The following ENOX1 variants were observed in gnomAD, a reference collection of about 807,000 sequenced individuals.
ENOX1 encodes ecto-NOX disulfide-thiol exchanger 1, also known as candidate growth-related and time keeping constitutive hydroquinone (NADH) oxidase.
ENOX1 carries 42 observed loss-of-function variants against 82.5 expected under a neutral mutation model. That is an observed-to-expected ratio of 0.51 (90% CI 0.40 to 0.66). The LOEUF (loss-of-function observed/expected upper bound fraction) is 0.66, where lower values mean the gene tolerates loss of function less well. Ranked by LOEUF, ENOX1 falls within the 30% of genes least tolerant of loss-of-function variation. The pLI, the probability that ENOX1 is intolerant of heterozygous loss-of-function variation, is 0.00. For synonymous variants in ENOX1, 271 were observed against 282.2 expected, an observed-to-expected ratio of 0.96 and a Z score of 0.40; for missense variants, 608 against 811.6, an observed-to-expected ratio of 0.75 and a Z score of 3.05.
chr13:43,332,761 A>AAT (rs2048479227), intron 9 of ENOX1, among the ~76,000 whole-genome samples: 1 of 152,134 alleles, frequency 6.6e-6, no homozygotes, highest in African/African-American at 2.4e-5. Context: ...AGTTCCTCAA[A>AAT]ATATATAGCA....
chr13:43,292,530 T>C (rs922192083), intron 12 of ENOX1, among the ~76,000 whole-genome samples: 1 of 152,146 alleles, frequency 6.6e-6, no homozygotes, highest in African/African-American at 2.4e-5. Flanking sequence ...CTGCATTTGC[T>C]CAGTTCTCTG....
intron 1 of ENOX1, among the ~76,000 whole-genome samples, chr13:43,771,255 C>T (rs139304336): frequency 2.0e-4 from 30 of 152,228 alleles, no homozygotes; most frequent in African/African-American, 5.3e-4. Context: ...TTTGAGGCCA[C>T]GTAAAAGCTG....
rs570979726 is a variant in ENOX1 at position 43,523,903 on chromosome 13, A to T, written c.-218-39751T>A. Among the ~76,000 whole-genome samples, 3 of 152,288 alleles carry T rather than the reference A, an allele frequency of 2.0e-5. No individual in the cohort carries two copies. In the South Asian group the frequency reaches 6.2e-4, roughly 32 times the overall value. ...GATTCACGTGCAGGACATCTTAAGCAGCATGGCACACCACAAACATGATCA... is the reference window on the plus strand; with the variant it reads ...GATTCACGTGCAGGACATCTTAAGCTGCATGGCACACCACAAACATGATCA... On this transcript the variant is annotated intron_variant, in intron 2 of 16. Coordinates refer to ENST00000690772, the MANE Select transcript of ENOX1 (RefSeq NM_001347969.2).
At chr13:43,694,997 G>A (rs1219008034) in intron 1 of ENOX1, among the ~76,000 whole-genome samples, 1 of 152,032 alleles carries the variant, frequency 6.6e-6, no homozygotes, top group Non-Finnish European at 1.5e-5. Flanking sequence ...TGTTTCTTGC[G>A]ACGATAGAAA....
chr13:43,445,793 G>A (rs537017007), intron 3 of ENOX1, among the ~76,000 whole-genome samples: 1 of 152,314 alleles, frequency 6.6e-6, no homozygotes, highest in East Asian at 1.9e-4. Context: ...TGGGATGCAG[G>A]TCATCAGGCA....
chr13:43,647,244 T>C (rs2083935888), intron 2 of ENOX1, among the ~76,000 whole-genome samples: 1 of 152,228 alleles, frequency 6.6e-6, no homozygotes, highest in South Asian at 2.1e-4. Flanking sequence ...TGTGCCTTAG[T>C]GTCATCATGT....
intron 2 of ENOX1, among the ~76,000 whole-genome samples, chr13:43,596,836 TGCC>T (rs1229721062): frequency 1.3e-5 from 2 of 152,222 alleles, no homozygotes; most frequent in Admixed American, 6.5e-5. Flanking sequence ...ATGTATTAAG[TGCC>T]TATGCTTGGG....
At chr13:43,232,800 A>T (rs927403386) in intron 15 of ENOX1, among the ~76,000 whole-genome samples, 6 of 152,330 alleles carry the variant, frequency 3.9e-5, no homozygotes, top group Non-Finnish European at 7.4e-5. Flanking sequence ...TAGTATTTAC[A>T]ATGACTAGCA....
chr13:43,569,052 G>C (rs2080053365), intron 2 of ENOX1, among the ~76,000 whole-genome samples: 1 of 152,086 alleles, frequency 6.6e-6, no homozygotes, highest in Non-Finnish European at 1.5e-5. Flanking sequence ...AGGTCTCTTT[G>C]GAAAAGAAGC....
At chr13:43,439,679 T>C (rs1473304561) in intron 3 of ENOX1, among the ~76,000 whole-genome samples, 1 of 152,230 alleles carries the variant, frequency 6.6e-6, no homozygotes, top group African/African-American at 2.4e-5. Context: ...TAACATTTTT[T>C]GTGTGCTTTT....
At chr13:43,698,804 C>T (rs1047783310) in intron 1 of ENOX1, among the ~76,000 whole-genome samples, 1 of 152,116 alleles carries the variant, frequency 6.6e-6, no homozygotes, top group Non-Finnish European at 1.5e-5. Flanking sequence ...TGTCTCCCAA[C>T]GATCTTACTC....
intron 3 of ENOX1, among the ~76,000 whole-genome samples, chr13:43,481,738 A>G (rs2058515312): frequency 6.6e-6 from 1 of 152,168 alleles, no homozygotes; most frequent in Non-Finnish European, 1.5e-5. Context: ...ACAGAATGGG[A>G]AAAAATTTGC....
chr13:43,393,299 T>C (rs1043528501), intron 5 of ENOX1, among the ~76,000 whole-genome samples: 1 of 152,222 alleles, frequency 6.6e-6, no homozygotes, highest in African/African-American at 2.4e-5. Context: ...CACAAGCTTT[T>C]AAGAAAGGTA....
chr13:43,600,458 G>A (rs1353549575), intron 2 of ENOX1, among the ~76,000 whole-genome samples: 2 of 152,194 alleles, frequency 1.3e-5, no homozygotes, highest in Admixed American at 1.3e-4. Flanking sequence ...TGGTGGAAAG[G>A]AGAGGGAAGA....
intron 10 of ENOX1, among the ~76,000 whole-genome samples, chr13:43,323,848 CT>C (rs1392575069): frequency 6.6e-6 from 1 of 152,188 alleles, no homozygotes; most frequent in Non-Finnish European, 1.5e-5. Flanking sequence ...ATTCTTTTCT[CT>C]CCTTAGCTCA....
chr13:43,520,577 T>C (rs1309918425), intron 2 of ENOX1, among the ~76,000 whole-genome samples: 1 of 152,172 alleles, frequency 6.6e-6, no homozygotes, highest in Admixed American at 6.5e-5. Context: ...TTTATCTACA[T>C]GGGGAACAGG....
intron 8 of ENOX1, among the ~76,000 whole-genome samples, chr13:43,352,616 G>A (rs938054494): frequency 4.6e-5 from 7 of 152,120 alleles, no homozygotes; most frequent in Admixed American, 3.9e-4. Flanking sequence ...CTTCCCAGTC[G>A]GTCTTCATTA....
chr13:43,764,938 G>T (rs1162883275), intron 1 of ENOX1, among the ~76,000 whole-genome samples: 1 of 152,200 alleles, frequency 6.6e-6, no homozygotes, highest in Non-Finnish European at 1.5e-5. Context: ...CTAAGGTCAT[G>T]AGGTAAGAGT....
In ENOX1 at chr13:43,213,163, A is replaced by G. The variant is rs2153446598; in HGVS notation, c.*827T>C. ...AAGTCATATTTATTGAAAAAAATTAATATCTTTGCTATAAAATTTGTAACA... is the reference window on the plus strand; with the variant it reads ...AAGTCATATTTATTGAAAAAAATTAGTATCTTTGCTATAAAATTTGTAACA... On this transcript the variant is annotated 3_prime_UTR_variant, in exon 17 of 17. Transcript: ENST00000690772. Among the ~76,000 whole-genome samples the G allele has an allele frequency of 6.6e-6, 1 of 152,308 alleles. No homozygotes were observed. The highest frequency in any genetic ancestry group is 1.9e-4 in the East Asian group (1 of 5,188).
Sources: gnomAD v4.1 joint callset for allele counts (sites outside exome capture counted in the v4.1 genomes callset) on GRCh38, gnomAD v4.1.1 for gene constraint, MANE v1.5 for transcripts, NCBI Gene and HGNC (gene_info 2026-07-23, HGNC 2026-07-21) for gene names.